PSAP: variants seen among roughly 807,000 people sequenced by gnomAD.
PSAP encodes the protein precursor of saposins.
PSAP carries 25 observed loss-of-function variants against 66.0 expected under a neutral mutation model. That is an observed-to-expected ratio of 0.38 (90% confidence interval 0.28 to 0.53). PSAP has a LOEUF of 0.53. PSAP is among the 20% of genes least tolerant of loss of function. The pLI is 0.83. For synonymous variants in PSAP, 273 were observed against 258.9 expected (o/e 1.05, Z -0.52); for missense variants, 649 against 668.8 (o/e 0.97, Z 0.33).
Position 71,851,236 on chromosome 10 carries a change from C to T in PSAP, c.-15G>A, listed in dbSNP as rs1265099626. On this transcript the variant is annotated 5_prime_UTR_variant, in exon 1 of 14. Transcript: ENST00000394936. ...AGGGCGTACATAGCGCCGTCTGACTCCGCAGTCTGCAATGCGGAGCGTCAG... is the reference window on the plus strand; with the variant it reads ...AGGGCGTACATAGCGCCGTCTGACTTCGCAGTCTGCAATGCGGAGCGTCAG... The T allele has an allele frequency of 4.5e-6, 7 of 1,550,838 alleles. No homozygotes were observed. The highest frequency in any genetic ancestry group is 6.1e-6 in the Non-Finnish European group (7 of 1,146,816).
At position 71,820,349 on chromosome 10, in the gene PSAP, A is replaced by G. The variant is rs1342282777; in HGVS notation, c.910-14T>C. 1.9e-6 allele frequency: 3 copies of G among 1,603,820 alleles called. No homozygotes were observed. The highest frequency in any genetic ancestry group is 2.6e-6 in the Non-Finnish European group (3 of 1,170,706). ...GACCTCGTGCTTCTGTGGAAAGAGT[A>G]GAAGGAGAGTACTTTCAATGCTGGG... On this transcript the variant is annotated splice_polypyrimidine_tract_variant and intron_variant, in intron 8 of 13. Coordinates refer to ENST00000394936, the MANE Select transcript of PSAP (RefSeq NM_002778.4).
rs1336265704 is a variant in PSAP, at chr10:71,817,054, A to G, written c.*387T>C. On this transcript the variant is annotated 3_prime_UTR_variant, in exon 14 of 14. Transcript: ENST00000394936. ...GGGCAGGAGGCCACCTCAGAAGCCC[A>G]GGCCCACCAGTGCCCAAGCACATGT... The G allele has an allele frequency of 2.8e-5, 10 of 361,536 alleles. No homozygotes were observed. Among genetic ancestry groups the G allele is most frequent in the South Asian group, 1.6e-4 (6 of 36,368 alleles). 22.4% of individuals were successfully genotyped at this position (361,536 alleles called of 1,614,324 possible).
intron 4 of PSAP, among the ~76,000 whole-genome samples, chr10:71,829,576 TG>T (rs1378189282): frequency 6.6e-6 from 1 of 152,192 alleles, no homozygotes; most frequent in African/African-American, 2.4e-5. Context: ...CACGTGGAAC[TG>T]TGAGTCCATT....
At position 71,851,212 on chromosome 10, in the gene PSAP, G is replaced by A. The variant is rs574280149; in HGVS notation, c.10C>T (p.Leu4Phe). The change falls in exon 1 of 14, where the codon CTC becomes TTC. Residue 4 changes from leucine (L) to phenylalanine (F), a missense_variant. Physicochemically the swap from Leu to Phe is conservative, Grantham distance 22. Transcript: ENST00000394936. The part of the protein sequence containing the change: MYA[L>F]FLLASLLGAA... ...CCCAGGAGGCTGGCCAGGAGGAAGA[G>A]GGCGTACATAGCGCCGTCTGACTCC... 6.4e-7 allele frequency: 1 copy of A among 1,551,142 alleles called. No individual in the cohort carries two copies. The highest frequency in any genetic ancestry group is 8.7e-7 in the Non-Finnish European group (1 of 1,146,856).
Position 71,825,806 on chromosome 10 carries a change from A to G in PSAP, c.777+31T>C, listed in dbSNP as rs753360602. On this transcript the variant is annotated intron_variant, in intron 7 of 13. Transcript: ENST00000394936. Reference sequence around the variant, plus strand: ...TGACGAAACCTGAAAAACAAAGAAAAATGCTAACAAGGGGCCTCCGTGCCA... The same window carrying G: ...TGACGAAACCTGAAAAACAAAGAAAGATGCTAACAAGGGGCCTCCGTGCCA... 4.4e-6 allele frequency: 7 copies of G among 1,592,942 alleles called. No individual in the cohort carries two copies. In the African/African-American group the frequency reaches 9.4e-5, roughly 21 times the overall value.
At chr10:71,842,303 G>A (rs1182438454) in intron 1 of PSAP, among the ~76,000 whole-genome samples, 1 of 152,192 alleles carries the variant, frequency 6.6e-6, no homozygotes, top group Non-Finnish European at 1.5e-5. Context: ...TTGCAAAAAT[G>A]TAAAACAGGC....
intron 9 of PSAP, 87 bp downstream of exon 9, chr10:71,820,153 G>T: frequency 1.6e-6 from 2 of 1,238,666 alleles, no homozygotes; most frequent in Non-Finnish European, 2.4e-6. Context: ...GCTGGGCCAA[G>T]CCCTCTCTCC....
chr10:71,835,208 C>T (rs7076038), intron 1 of PSAP, among the ~76,000 whole-genome samples: 8,851 of 147,978 alleles, frequency 0.06, 377 homozygotes, highest in East Asian at 0.2. Flanking sequence ...CAGAGCGAGA[C>T]TCCGTTTCAA....
At chr10:71,839,733 A>T (rs184469526) in intron 1 of PSAP, among the ~76,000 whole-genome samples, 290 of 152,252 alleles carry the variant, frequency 1.9e-3, no homozygotes, top group Middle Eastern at 6.8e-3. Context: ...AGGTGCCTGT[A>T]ATCCCAGCTA....
intron 5 of PSAP, 127 bp from the exon 6 acceptor site, chr10:71,828,284 C>G: frequency 2.1e-6 from 2 of 942,386 alleles, no homozygotes; most frequent in Non-Finnish European, 3.5e-6. Flanking sequence ...TTTACAGGCT[C>G]TCAAATTACT....
In PSAP at chr10:71,833,026, A is replaced by AC. The variant is rs1407894445; in HGVS notation, c.175-1107_175-1106insG. On this transcript the variant is annotated intron_variant, in intron 2 of 13. Transcript: ENST00000394936. The stretch of plus-strand genomic sequence containing the variant: ...AGTGAGAGTCCATCTCAAAAAAAAA[A>AC]AAAAACAAAAAACAAAAACAGAAGG... 2.3e-4 allele frequency among the ~76,000 whole-genome samples: 34 copies of AC among 145,106 alleles called. 3 individuals carry two copies. Among genetic ancestry groups the AC allele is most frequent in the Non-Finnish European group, 3.8e-4 (25 of 65,974 alleles).
chr10:71,838,231 G>A (rs1289433080), intron 1 of PSAP, among the ~76,000 whole-genome samples: 2 of 152,244 alleles, frequency 1.3e-5, no homozygotes, highest in Non-Finnish European at 2.9e-5. Flanking sequence ...ATGGGCAAAT[G>A]GCACTAACAG....
In PSAP at chr10:71,841,804, G is replaced by A. The variant is rs143029583; in HGVS notation, c.41-7299C>T. Among the ~76,000 whole-genome samples, 56 of 152,094 alleles carry A rather than the reference G, an allele frequency of 3.7e-4. No homozygotes were observed. The East Asian group carries it at 9.5e-3, about 26-fold the overall frequency. On this transcript the variant is annotated intron_variant, in intron 1 of 13. Transcript: ENST00000394936. Reference sequence around the variant, plus strand: ...GTGGATTACTTGAGGTCAGGAGTTCGAGACCAGCCTGGCCAACACAGTGAA... The same window carrying A: ...GTGGATTACTTGAGGTCAGGAGTTCAAGACCAGCCTGGCCAACACAGTGAA...
At chr10:71,819,660 C>T in intron 10 of PSAP, 38 bp from the exon 11 acceptor site, 1 of 1,614,070 alleles carries the variant, frequency 6.2e-7, no homozygotes, top group Non-Finnish European at 8.5e-7. Flanking sequence ...CTGGCAGGGC[C>T]CTCCCAGACC....
chr10:71,848,624 A>G (rs1386043860), intron 1 of PSAP, among the ~76,000 whole-genome samples: 1 of 152,202 alleles, frequency 6.6e-6, no homozygotes, highest in Non-Finnish European at 1.5e-5. Flanking sequence ...CACAAAATAC[A>G]AAGCCCATCC....
chr10:71,826,676 G>A (rs1842403782), intron 6 of PSAP, among the ~76,000 whole-genome samples: 1 of 151,894 alleles, frequency 6.6e-6, no homozygotes, highest in Non-Finnish European at 1.5e-5. Context: ...AGGAGGTAAA[G>A]GCTGCAGTGA....
chr10:71,846,848 G>A (rs1462738497), intron 1 of PSAP, among the ~76,000 whole-genome samples: 1 of 151,812 alleles, frequency 6.6e-6, no homozygotes, highest in Non-Finnish European at 1.5e-5. Context: ...AACCAAAAAG[G>A]AGCCAGAAAG....
intron 5 of PSAP, 61 bp downstream of exon 5, chr10:71,828,816 T>C (rs1185115930): frequency 5.1e-6 from 8 of 1,583,462 alleles, no homozygotes; most frequent in African/African-American, 1.3e-5. Flanking sequence ...CTCTGTCCCT[T>C]TGGTCTCTCA....
chr10:71,819,093 C>CT lies in PSAP; in HGVS notation c.1368dup (p.Glu457ArgfsTer31). 6.2e-7 allele frequency: 1 copy of CT among 1,614,122 alleles called. No homozygotes were observed. The highest frequency in any genetic ancestry group is 8.5e-7 in the Non-Finnish European group (1 of 1,179,946). ...ATCTCGATCAGCACGGGCTCGTACT[C>CT]TGCCACAAACTGATCACACTATAAA... On this transcript the variant is annotated frameshift_variant, in exon 12 of 14. Coordinates refer to ENST00000394936, the MANE Select transcript of PSAP (RefSeq NM_002778.4). LOFTEE classifies it high-confidence loss of function.
Sources: allele counts gnomAD v4.1 joint callset (sites outside exome capture counted in the v4.1 genomes callset), GRCh38; gene constraint gnomAD v4.1.1; transcripts MANE v1.5; gene names NCBI Gene and HGNC (gene_info 2026-07-23, HGNC 2026-07-21).